Variants in MALRD1 observed in about 807,000 individuals in gnomAD.
MALRD1 encodes the protein MAM and LDL-receptor class A domain-containing protein 1.
Under a neutral mutation model 242.1 loss-of-function variants are expected in MALRD1, and 247 were observed. That is an observed-to-expected ratio of 1.02 (90% CI 0.92 to 1.13). The LOEUF is 1.13. MALRD1 is among the 50% of genes most tolerant of loss of function. The pLI is 0.00. For missense variants in MALRD1, 2,989 were observed against 2,533.1 expected (o/e 1.18, Z -3.86); for synonymous variants, 995 against 866.6 (o/e 1.15, Z -2.60).
intron 31 of MALRD1, among the ~76,000 whole-genome samples, chr10:19,526,764 G>A (rs1270372548): frequency 1.3e-5 from 2 of 152,126 alleles, no homozygotes; most frequent in African/African-American, 4.8e-5. Context: ...CAGCGAAATA[G>A]TGGATTATCA....
chr10:19,716,980 TG>T (rs1418996442), intron 38 of MALRD1: 1 of 152,212 alleles, frequency 6.6e-6, no homozygotes, highest in African/African-American at 2.4e-5. Flanking sequence ...GTCCTACTCA[TG>T]GTGGACAATA....
At chr10:19,296,310 T>G (rs1841699560) in intron 21 of MALRD1, among the ~76,000 whole-genome samples, 2 of 152,138 alleles carry the variant, frequency 1.3e-5, no homozygotes, top group South Asian at 4.1e-4. Context: ...TTACAGTCCT[T>G]TACATTCTAG....
At chr10:19,167,789 A>C (rs143567601) in intron 13 of MALRD1, among the ~76,000 whole-genome samples, 34 of 152,330 alleles carry the variant, frequency 2.2e-4, no homozygotes, top group African/African-American at 7.5e-4. Flanking sequence ...CTTCACAGTC[A>C]GATAAATCTT....
intron 1 of MALRD1, among the ~76,000 whole-genome samples, chr10:19,058,888 A>T (rs1834742359): frequency 6.6e-6 from 1 of 152,172 alleles, no homozygotes; most frequent in Non-Finnish European, 1.5e-5. Context: ...AAGAAGATGG[A>T]TACTATTTCA....
chr10:19,436,059 G>A (rs1589069025), intron 28 of MALRD1, among the ~76,000 whole-genome samples: 2 of 152,002 alleles, frequency 1.3e-5, no homozygotes, highest in South Asian at 2.1e-4. Context: ...ATGTATCCCC[G>A]TTATTGTGGG....
chr10:19,399,464 C>G (rs747677517), intron 28 of MALRD1, among the ~76,000 whole-genome samples: 1 of 152,076 alleles, frequency 6.6e-6, no homozygotes, highest in Non-Finnish European at 1.5e-5. Context: ...AATACATGCT[C>G]CAACCAAAGT....
intron 28 of MALRD1, among the ~76,000 whole-genome samples, chr10:19,426,570 G>A (rs1224499075): frequency 1.3e-5 from 2 of 152,170 alleles, no homozygotes; most frequent in Non-Finnish European, 2.9e-5. Context: ...GGGAGGTTGA[G>A]GTGGGTGAAT....
chr10:19,502,115 T>G (rs1306915981), intron 31 of MALRD1, among the ~76,000 whole-genome samples: 1 of 152,046 alleles, frequency 6.6e-6, no homozygotes, highest in African/African-American at 2.4e-5. Flanking sequence ...GTAGCACATT[T>G]GTGTGTTTGT....
At chr10:19,468,399 CAAA>C (rs959630266) in intron 29 of MALRD1, among the ~76,000 whole-genome samples, 1 of 151,736 alleles carries the variant, frequency 6.6e-6, no homozygotes, top group African/African-American at 2.4e-5. Context: ...AGAAAGAAAA[CAAA>C]AAAGAAATGA....
At chr10:19,615,770 T>C (rs1166934069) in intron 35 of MALRD1, 87 bp from the exon 36 acceptor site, 5 of 1,078,220 alleles carry the variant, frequency 4.6e-6, no homozygotes, top group East Asian at 5.2e-5. Context: ...AGAGATTAGA[T>C]TTAATGTAAT....
chr10:19,177,048 G>A (rs1038061381), intron 14 of MALRD1, among the ~76,000 whole-genome samples: 8 of 151,890 alleles, frequency 5.3e-5, no homozygotes, highest in South Asian at 2.1e-4. Context: ...AGGCTGAGCC[G>A]GGCGGATCAG....
At chr10:19,688,453 G>T (rs959108279) in intron 36 of MALRD1, among the ~76,000 whole-genome samples, 4 of 151,622 alleles carry the variant, frequency 2.6e-5, no homozygotes, top group African/African-American at 4.9e-5. Context: ...TGTAAAGAAG[G>T]TCTCTCCCTG....
chr10:19,571,896 A>G (rs948371047), intron 33 of MALRD1, among the ~76,000 whole-genome samples: 1 of 152,200 alleles, frequency 6.6e-6, no homozygotes, highest in African/African-American at 2.4e-5. Flanking sequence ...TGAACCTGCC[A>G]GCTTTCTGCT....
chr10:19,354,206 A>G (rs189482796), intron 26 of MALRD1, among the ~76,000 whole-genome samples: 1 of 152,286 alleles, frequency 6.6e-6, no homozygotes, highest in Non-Finnish European at 1.5e-5. Context: ...AGTATGTACA[A>G]AATAGTATTG....
intron 18 of MALRD1, among the ~76,000 whole-genome samples, chr10:19,251,998 A>G (rs972775245): frequency 7.9e-5 from 12 of 151,920 alleles, no homozygotes; most frequent in South Asian, 2.1e-4. Context: ...AAGTTTCCTG[A>G]GGCCTCCCAA....
intron 6 of MALRD1, 138 bp from the exon 7 acceptor site, chr10:19,124,386 C>T: frequency 1.2e-6 from 1 of 809,046 alleles, no homozygotes; most frequent in Non-Finnish European, 1.7e-6. Context: ...TTATTGAATC[C>T]AAACTTGCAG....
At chr10:19,446,952 TTAAG>T (rs1342006837) in intron 28 of MALRD1, among the ~76,000 whole-genome samples, 1 of 152,030 alleles carries the variant, frequency 6.6e-6, no homozygotes, top group East Asian at 1.9e-4. Flanking sequence ...AATCAGGATA[TTAAG>T]TAAATAGGTG....
At chr10:19,516,650 T>C (rs1384985441) in intron 31 of MALRD1, among the ~76,000 whole-genome samples, 1 of 151,622 alleles carries the variant, frequency 6.6e-6, no homozygotes, top group Non-Finnish European at 1.5e-5. Flanking sequence ...CCTCCTCCTC[T>C]TCCTCTTCCT....
intron 1 of MALRD1, among the ~76,000 whole-genome samples, chr10:19,059,988 A>T (rs1834775489): frequency 6.6e-6 from 1 of 152,222 alleles, no homozygotes; most frequent in African/African-American, 2.4e-5. Context: ...TAGCAAAGGC[A>T]GTCAATATCG....
Sources: gnomAD v4.1 joint callset for allele counts (sites outside exome capture counted in the v4.1 genomes callset) on GRCh38, gnomAD v4.1.1 for gene constraint, MANE v1.5 for transcripts, NCBI Gene and HGNC (gene_info 2026-07-23, HGNC 2026-07-21) for gene names.